PTPRO: variants seen among roughly 807,000 people sequenced by gnomAD.
PTPRO encodes the protein protein tyrosine phosphatase receptor type O.
PTPRO carries 62 observed loss-of-function variants against 145.2 expected under a neutral mutation model. That is an observed-to-expected ratio of 0.43 (90% CI 0.35 to 0.53). The LOEUF (loss-of-function observed/expected upper bound fraction) is 0.53, where lower values mean the gene tolerates loss of function less well. Among genes scored for constraint, PTPRO ranks in the 20% least tolerant of loss-of-function variants. The pLI is 0.01. For missense variants in PTPRO, 1,345 were observed against 1,482.7 expected (o/e 0.91, Z 1.53); for synonymous variants, 565 against 514.7 (o/e 1.10, Z -1.32).
At chr12:15,369,614 C>G (rs980069191) in intron 1 of PTPRO, among the ~76,000 whole-genome samples, 1 of 152,158 alleles carries the variant, frequency 6.6e-6, no homozygotes, top group Non-Finnish European at 1.5e-5. Context: ...TAACTCATGT[C>G]TCTTTCCTCA....
chr12:15,548,202 T>TA (rs61334908), intron 13 of PTPRO, among the ~76,000 whole-genome samples: 61 of 149,730 alleles, frequency 4.1e-4, no homozygotes, highest in South Asian at 1.5e-3. Flanking sequence ...TCACTTACGG[T>TA]AAAAAAAAAA....
At chr12:15,343,262 G>A (rs1475229192) in intron 1 of PTPRO, among the ~76,000 whole-genome samples, 1 of 151,846 alleles carries the variant, frequency 6.6e-6, no homozygotes. Flanking sequence ...TTGATACTGT[G>A]CTCCATGTAT....
Position 15,322,568 on chromosome 12 carries a change from A to C in PTPRO, c.-159A>C. The C allele has an allele frequency of 1.4e-6, 1 of 695,676 alleles. No homozygotes were observed. Among genetic ancestry groups the C allele is most frequent in the Non-Finnish European group, 2.6e-6 (1 of 382,122 alleles). 43.1% of individuals were successfully genotyped at this position (695,676 alleles called of 1,614,324 possible). ...GGAGGACCCCGGGCGCAGAGGAGGA[A>C]AGGGAGCAGGCGCAGGGGGACTGGA... On this transcript the variant is annotated 5_prime_UTR_variant, in exon 1 of 27. Transcript: ENST00000281171. The surrounding 1 kb of genome is among the most constrained non-coding windows in gnomAD (Gnocchi z 6.3).
chr12:15,372,042 A>G (rs975706885), intron 1 of PTPRO, among the ~76,000 whole-genome samples: 2 of 152,128 alleles, frequency 1.3e-5, no homozygotes, highest in African/African-American at 4.8e-5. Flanking sequence ...CCAAACTAAT[A>G]CACTTATATT....
At chr12:15,464,795 A>G (rs182318129) in intron 1 of PTPRO, among the ~76,000 whole-genome samples, 3 of 152,312 alleles carry the variant, frequency 2.0e-5, no homozygotes, top group South Asian at 2.1e-4. Flanking sequence ...CATCTTATGA[A>G]CAGAGGCTTT....
At chr12:15,592,691 G>C (rs978780815) in intron 25 of PTPRO, among the ~76,000 whole-genome samples, 1 of 152,102 alleles carries the variant, frequency 6.6e-6, no homozygotes, top group African/African-American at 2.4e-5. Context: ...ACCTCTCAAG[G>C]CTCCCATTTC....
In PTPRO at chr12:15,342,832, T is replaced by C. The variant is rs553639835; in HGVS notation, c.75+20031T>C. On this transcript the variant is annotated intron_variant, in intron 1 of 26. Coordinates refer to ENST00000281171, the MANE Select transcript of PTPRO (RefSeq NM_030667.3). ...TTGCTTTGGGGTTTTCTTTGTTAGT[T>C]TGGTTTTCCCATTGCAGTTTGTCAG... is the stretch of plus-strand genomic sequence containing the variant. Among the ~76,000 whole-genome samples the C allele has an allele frequency of 3.6e-3, 541 of 152,284 alleles. 7 individuals carry two copies. Among genetic ancestry groups the C allele is most frequent in the African/African-American group, 0.012 (509 of 41,556 alleles).
At chr12:15,428,763 G>C (rs1222696086) in intron 1 of PTPRO, among the ~76,000 whole-genome samples, 2 of 152,082 alleles carry the variant, frequency 1.3e-5, no homozygotes, top group Non-Finnish European at 2.9e-5. Flanking sequence ...AGTTCATTCT[G>C]TCTTGCAGCC....
intron 20 of PTPRO, 85 bp downstream of exon 20, chr12:15,579,028 T>G: frequency 3.3e-6 from 4 of 1,217,000 alleles, no homozygotes; most frequent in Non-Finnish European, 3.6e-6. Context: ...CACCAATCTC[T>G]GGCCATACCC....
At chr12:15,574,957 C>A (rs184651096) in intron 19 of PTPRO, among the ~76,000 whole-genome samples, 67 of 152,294 alleles carry the variant, frequency 4.4e-4, no homozygotes, top group African/African-American at 1.5e-3. Context: ...GGCTGAATAT[C>A]TGTGGCCCCC....
At chr12:15,509,199 G>A (rs567368948) in intron 7 of PTPRO, among the ~76,000 whole-genome samples, 7 of 152,266 alleles carry the variant, frequency 4.6e-5, no homozygotes, top group South Asian at 2.1e-4. Flanking sequence ...AGAAGGAGCT[G>A]AGCGTGAGTA....
chr12:15,373,263 G>A (rs1440804931), intron 1 of PTPRO, among the ~76,000 whole-genome samples: 1 of 152,164 alleles, frequency 6.6e-6, no homozygotes. Context: ...TAGCATGATG[G>A]TGACAGCAAA....
At chr12:15,363,893 A>G (rs1190101444) in intron 1 of PTPRO, among the ~76,000 whole-genome samples, 1 of 152,160 alleles carries the variant, frequency 6.6e-6, no homozygotes, top group African/African-American at 2.4e-5. Flanking sequence ...TTATTATAGA[A>G]TTTGTAAAAG....
Position 15,589,516 on chromosome 12 carries a change from G to A in PTPRO, c.3472G>A (p.Asp1158Asn). ...GGACAGGCTCTTGCAGCACATTCGG[G>A]ATCATGAGTTTGTTGACATCTTAGG... ...ALDRLLQHIRDHEFVDILGLV... is the reference protein window; with the variant it reads ...ALDRLLQHIRNHEFVDILGLV... Residue 1158 changes from aspartate (D) to asparagine (N), a missense_variant, in exon 25 of 27, where the codon GAT (aspartate) becomes AAT (asparagine). Physicochemically the swap from Asp to Asn is conservative, Grantham distance 23. Coordinates refer to ENST00000281171, the MANE Select transcript of PTPRO (RefSeq NM_030667.3). 4 of 1,614,136 alleles carry A rather than the reference G, an allele frequency of 2.5e-6. No homozygotes were observed. The highest frequency in any genetic ancestry group is 3.4e-6 in the Non-Finnish European group (4 of 1,180,000).
intron 1 of PTPRO, among the ~76,000 whole-genome samples, chr12:15,466,491 C>T (rs183892711): frequency 1.2e-4 from 19 of 152,258 alleles, no homozygotes; most frequent in Non-Finnish European, 2.4e-4. Context: ...TGTTGGATTT[C>T]TTATGTTATT....
chr12:15,588,290 C>A (rs1049904937), intron 24 of PTPRO, among the ~76,000 whole-genome samples: 5 of 152,124 alleles, frequency 3.3e-5, no homozygotes, highest in African/African-American at 1.2e-4. Flanking sequence ...CCCTTAAACT[C>A]AAGGTTTATA....
intron 1 of PTPRO, among the ~76,000 whole-genome samples, chr12:15,434,986 C>T (rs1312328286): frequency 6.6e-6 from 1 of 152,134 alleles, no homozygotes; most frequent in Non-Finnish European, 1.5e-5. Context: ...TGCTGCAGGG[C>T]GTAGTCCTAA....
chr12:15,532,915 A>G (rs780840965), intron 12 of PTPRO, among the ~76,000 whole-genome samples: 3 of 152,184 alleles, frequency 2.0e-5, no homozygotes, highest in Non-Finnish European at 4.4e-5. Flanking sequence ...AGGTCCTAGC[A>G]GCTTTCTCCA....
chr12:15,518,020 C>CT (rs953363959), intron 9 of PTPRO, among the ~76,000 whole-genome samples: 3 of 78 alleles, frequency 0.038, no homozygotes, highest in African/African-American at 0.19. Context: ...CCCCACATTT[C>CT]CTTTTACATT....
Sources: allele counts gnomAD v4.1 joint callset (sites outside exome capture counted in the v4.1 genomes callset), GRCh38; gene constraint gnomAD v4.1.1; non-coding constraint Gnocchi (gnomAD v3.1); transcripts MANE v1.5; gene names NCBI Gene and HGNC (gene_info 2026-07-23, HGNC 2026-07-21).